Variants in ECRG4 observed in about 807,000 individuals in gnomAD.
The protein encoded by ECRG4 is augurin.
Under a neutral mutation model 15.8 loss-of-function variants are expected in ECRG4, and 18 were observed. That is an observed-to-expected ratio of 1.14 (90% CI 0.79 to 1.69). The LOEUF is 1.69. Ranked by LOEUF, ECRG4 falls within the 40% of genes most tolerant of loss-of-function variation. The pLI is 0.00. For synonymous variants in ECRG4, 82 were observed against 73.9 expected (o/e 1.11, Z -0.56); for missense variants, 200 against 190.9 (o/e 1.05, Z -0.28).
intron 1 of ECRG4, among the ~76,000 whole-genome samples, chr2:106,066,728 A>AT (rs1676223480): frequency 2.0e-5 from 3 of 152,186 alleles, no homozygotes; most frequent in Non-Finnish European, 4.4e-5. Context: ...GCACTGCCTA[A>AT]TGTAAAAGGG....
At chr2:106,065,171 T>A (rs946413718), upstream of ECRG4, among the ~76,000 whole-genome samples, 3 of 152,058 alleles carry the variant, frequency 2.0e-5, no homozygotes, top group Non-Finnish European at 2.9e-5. Context: ...AGAGCAGCTC[T>A]GAACTAAGGA....
intron 1 of ECRG4, chr2:106,070,688 T>G (rs986929279): frequency 1.9e-5 from 4 of 208,516 alleles, no homozygotes; most frequent in African/African-American, 9.2e-5. Flanking sequence ...TTAATTTTAT[T>G]TGGGTCACAG....
chr2:106,070,604 G>A (rs1676342114), intron 1 of ECRG4, among the ~76,000 whole-genome samples: 1 of 152,194 alleles, frequency 6.6e-6, no homozygotes, highest in African/African-American at 2.4e-5. Context: ...TCTTTGTGCA[G>A]AGGTTCTCTT....
At chr2:106,067,067 G>T (rs866712410) in intron 1 of ECRG4, among the ~76,000 whole-genome samples, 4 of 78,034 alleles carry the variant, frequency 5.1e-5, no homozygotes, top group South Asian at 6.4e-4. Flanking sequence ...GCCGGGGGGG[G>T]GGGGGGGGCA....
At chr2:106,069,250 TTCTTTC>T (rs1286598926) in intron 1 of ECRG4, among the ~76,000 whole-genome samples, 5 of 149,284 alleles carry the variant, frequency 3.3e-5, no homozygotes, top group South Asian at 2.1e-4. Context: ...TCTTTCTTTC[TTCTTTC>T]TCTTTCCTTT....
intron 2 of ECRG4, chr2:106,072,155 G>T: frequency 2.7e-6 from 1 of 373,244 alleles, no homozygotes; most frequent in African/African-American, 2.1e-5. Context: ...GTAGTACAGT[G>T]TTAATTGCAT....
intron 2 of ECRG4, 138 bp from the exon 3 acceptor site, chr2:106,073,748 A>T: frequency 1.0e-6 from 1 of 965,866 alleles, no homozygotes; most frequent in Non-Finnish European, 1.6e-6. Context: ...ACATTGTCAC[A>T]TGCAAGTAAG....
At position 106,078,154 on chromosome 2, in the gene ECRG4, A is replaced by G. The variant is rs1015545309; in HGVS notation, c.*228A>G. 23 of 437,678 alleles carry G rather than the reference A, an allele frequency of 5.3e-5. No individual in the cohort carries two copies. Among genetic ancestry groups the G allele is most frequent in the Admixed American group, 1.6e-4 (4 of 25,186 alleles). 27.1% of individuals were successfully genotyped at this position (437,678 alleles called of 1,614,324 possible). A position where few individuals can be genotyped will look rare whatever the true frequency, so the allele number is the denominator to read the frequency against. ...AAATAAAGCATTTTGTTAAAAAGAA[A>G]AGTCTTAGAATTCATTTGGGTGCAA... On this transcript the variant is annotated 3_prime_UTR_variant, in exon 4 of 4. Transcript: ENST00000238044.
intron 1 of ECRG4, among the ~76,000 whole-genome samples, chr2:106,067,301 A>G (rs1410728491): frequency 6.6e-6 from 1 of 151,466 alleles, no homozygotes. Flanking sequence ...GCAAAATAAA[A>G]AAAGAAATAA....
chr2:106,076,334 A>G (rs1379827262), intron 3 of ECRG4, among the ~76,000 whole-genome samples: 3 of 152,178 alleles, frequency 2.0e-5, no homozygotes, highest in African/African-American at 7.2e-5. Flanking sequence ...AAATAAATAA[A>G]TGAATAAAAT....
chr2:106,065,037 G>T (rs1311746501), upstream of ECRG4, among the ~76,000 whole-genome samples: 1 of 152,076 alleles, frequency 6.6e-6, no homozygotes, highest in Non-Finnish European at 1.5e-5. Context: ...CCAGGTTCCT[G>T]GTTTCTCAAA....
At chr2:106,066,211 T>TTC (rs1382841401) in intron 1 of ECRG4, among the ~76,000 whole-genome samples, 1 of 152,192 alleles carries the variant, frequency 6.6e-6, no homozygotes, top group East Asian at 1.9e-4. Flanking sequence ...AGGAGGCAAA[T>TTC]GGCACCATCA....
upstream of ECRG4, chr2:106,065,685 C>G: frequency 1.8e-6 from 2 of 1,135,058 alleles, no homozygotes; most frequent in Non-Finnish European, 2.3e-6. Flanking sequence ...CCTGCCCGCT[C>G]GCACCCCTCT....
In ECRG4 at chr2:106,071,750, C is replaced by T. The variant is rs941171025; in HGVS notation, c.80-94C>T. 18 of 961,552 alleles carry T rather than the reference C, an allele frequency of 1.9e-5. No individual in the cohort carries two copies. In the Middle Eastern group the frequency reaches 6.4e-4, roughly 34 times the overall value. The allele number at this position is 961,552 out of a possible 1,614,324, so 59.6% of individuals were successfully genotyped here. A position where few individuals can be genotyped will look rare whatever the true frequency, so the allele number is the denominator to read the frequency against. On this transcript the variant is annotated intron_variant, in intron 1 of 3. Transcript: ENST00000238044. ...CCAAGTTGCCAAATCAAGGCAGGGG[C>T]CCGCAGTTCTTTTCTCCCACTCTGA...
At chr2:106,070,044 C>T (rs1478131968) in intron 1 of ECRG4, among the ~76,000 whole-genome samples, 1 of 152,306 alleles carries the variant, frequency 6.6e-6, no homozygotes, top group East Asian at 1.9e-4. Context: ...GTGAGGGAAA[C>T]CACCACCTCT....
rs1207345148 is a variant in ECRG4 at position 106,067,059 on chromosome 2, C to CGGGGCGGGGGG, written c.79+1220_79+1221insCGGGGGGGGGG. ...CTGTAATCCCAGCACTTTGGGAGGC[C>CGGGGCGGGGGG]GGGGGGGGGGGGGGGGCAGATCACC... On this transcript the variant is annotated intron_variant, in intron 1 of 3. Transcript: ENST00000238044. Among the ~76,000 whole-genome samples, 4 of 4,262 alleles carry CGGGGCGGGGGG rather than the reference C, an allele frequency of 9.4e-4. 1 individual carries two copies. The highest frequency in any genetic ancestry group is 3.1e-3 in the Admixed American group (1 of 326). The allele number at this position is 4,262 out of a possible 152,430, so 2.8% of individuals were successfully genotyped here.
At chr2:106,076,435 G>T (rs1676488005) in intron 3 of ECRG4, among the ~76,000 whole-genome samples, 1 of 152,192 alleles carries the variant, frequency 6.6e-6, no homozygotes. Flanking sequence ...AGCCAAAGAA[G>T]TCGGTGTCCT....
chr2:106,064,847 G>C (rs776957469), upstream of ECRG4, among the ~76,000 whole-genome samples: 1 of 152,186 alleles, frequency 6.6e-6, no homozygotes, highest in Non-Finnish European at 1.5e-5. Context: ...TTGGGATAAA[G>C]TTGTTCTAGT....
At chr2:106,067,062 G>GGCGGGGGGT (rs1231206110) in intron 1 of ECRG4, among the ~76,000 whole-genome samples, 1 of 72,908 alleles carries the variant, frequency 1.4e-5, no homozygotes, top group East Asian at 8.1e-4. Flanking sequence ...GGGAGGCCGG[G>GGCGGGGGGT]GGGGGGGGGG....
Sources: allele counts gnomAD v4.1 joint callset (sites outside exome capture counted in the v4.1 genomes callset), GRCh38; gene constraint gnomAD v4.1.1; transcripts MANE v1.5; gene names NCBI Gene and HGNC (gene_info 2026-07-23, HGNC 2026-07-21).